Variants in DBF4B observed in about 807,000 individuals in gnomAD.
DBF4B encodes protein DBF4 homolog B.
DBF4B carries 49 observed loss-of-function variants against 53.4 expected under a neutral mutation model. The ratio of observed to expected loss-of-function variants is 0.92; its 90% CI spans 0.73 to 1.16. The LOEUF (loss-of-function observed/expected upper bound fraction) is 1.16, where lower values mean the gene tolerates loss of function less well. DBF4B is among the 50% of genes most tolerant of loss of function. The probability of loss-of-function intolerance (pLI) is 0.00; values close to 1 mark genes in which losing one functional copy is unlikely to be tolerated. For synonymous variants in DBF4B, 257 were observed against 288.7 expected (o/e 0.89, Z 1.11); for missense variants, 692 against 775.0 (o/e 0.89, Z 1.27).
chr17:44,750,979 A>T lies in DBF4B; in HGVS notation c.1574A>T (p.Asp525Val). The change falls in exon 14 of 14, where the codon GAC (aspartate) becomes GTC (valine). Residue 525 changes from aspartate to valine, a missense_variant. Coordinates refer to ENST00000315005, the MANE Select transcript of DBF4B (RefSeq NM_145663.3). The part of the protein sequence containing the change: ...FVTWGCLIPH[D>V]TTPLHEEVSP... ...ACATGGGGTTGCCTCATTCCCCATG[A>T]CACCACCCCTCTGCATGAGGAAGTT... The T allele has an allele frequency of 6.2e-7, 1 of 1,613,998 alleles. No homozygotes were observed. Among genetic ancestry groups the T allele is most frequent in the Non-Finnish European group, 8.5e-7 (1 of 1,179,992 alleles).
At chr17:44,709,393 G>C in intron 2 of DBF4B, 27 bp downstream of exon 2, 2 of 1,613,892 alleles carry the variant, frequency 1.2e-6, no homozygotes, top group South Asian at 2.2e-5. Flanking sequence ...AACTAGGGAC[G>C]TGAGGTGAAA....
chr17:44,742,817 C>G (rs56953907), intron 10 of DBF4B, among the ~76,000 whole-genome samples: 11 of 152,106 alleles, frequency 7.2e-5, no homozygotes, highest in Non-Finnish European at 2.9e-5. Context: ...AATTTGAACC[C>G]TCATTAACCA....
chr17:44,716,896 T>C (rs760181002), intron 2 of DBF4B, among the ~76,000 whole-genome samples: 5 of 152,214 alleles, frequency 3.3e-5, no homozygotes, highest in Non-Finnish European at 5.9e-5. Context: ...CCTTCTCTTA[T>C]CTCCTGTCTG....
intron 9 of DBF4B, among the ~76,000 whole-genome samples, chr17:44,739,518 A>G (rs1317182052): frequency 6.6e-6 from 1 of 152,178 alleles, no homozygotes; most frequent in Non-Finnish European, 1.5e-5. Context: ...AAGTGGAGAG[A>G]ACAATGGGAT....
intron 6 of DBF4B, chr17:44,732,588 C>T: frequency 4.0e-6 from 1 of 250,346 alleles, no homozygotes; most frequent in Non-Finnish European, 7.9e-6. Context: ...TGACCACTGG[C>T]CAGGCGAGGT....
At chr17:44,713,398 A>G (rs1253221143) in intron 2 of DBF4B, among the ~76,000 whole-genome samples, 1 of 150,820 alleles carries the variant, frequency 6.6e-6, no homozygotes, top group African/African-American at 2.4e-5. Context: ...CATACCTGTA[A>G]TCCCAGCACT....
At chr17:44,717,545 A>G (rs928875736) in intron 2 of DBF4B, among the ~76,000 whole-genome samples, 1 of 151,634 alleles carries the variant, frequency 6.6e-6, no homozygotes, top group Non-Finnish European at 1.5e-5. Context: ...TGTCTCTACT[A>G]AAAATACAAA....
chr17:44,746,612 A>T (rs2145143031), intron 10 of DBF4B, among the ~76,000 whole-genome samples: 1 of 152,244 alleles, frequency 6.6e-6, no homozygotes, highest in East Asian at 1.9e-4. Flanking sequence ...TGAGGTCAGG[A>T]GTTTGAGACC....
At position 44,751,771 on chromosome 17, in the gene DBF4B, T is replaced by C; in HGVS notation, c.*518T>C. 4.0e-6 allele frequency: 6 copies of C among 1,488,020 alleles called. No homozygotes were observed. The South Asian group carries it at 6.5e-5, about 16-fold the overall frequency. 92.2% of individuals were successfully genotyped at this position (1,488,020 alleles called of 1,614,324 possible). A position where few individuals can be genotyped will look rare whatever the true frequency, so the allele number is the denominator to read the frequency against. On this transcript the variant is annotated 3_prime_UTR_variant, in exon 14 of 14. Transcript: ENST00000315005. ...TGCCTGAAGCATTCCACTAAGATCA[T>C]CTATTCCAAGGTCATGGACAGGCTA...
At chr17:44,729,722 ACACACC>A (rs1019240110) in intron 3 of DBF4B, among the ~76,000 whole-genome samples, 177 bp from the exon 4 acceptor site, 25 of 144,310 alleles carry the variant, frequency 1.7e-4, no homozygotes, top group African/African-American at 5.8e-4. Context: ...ACACACACAC[ACACACC>A]CCATTAGATT....
intron 2 of DBF4B, among the ~76,000 whole-genome samples, chr17:44,709,830 G>T (rs1389227216): frequency 6.6e-6 from 1 of 151,254 alleles, no homozygotes; most frequent in East Asian, 1.9e-4. Context: ...ACCTAATTAG[G>T]TAAGTATTTT....
intron 2 of DBF4B, among the ~76,000 whole-genome samples, chr17:44,715,790 A>T (rs1973270197): frequency 9.9e-6 from 1 of 101,398 alleles, no homozygotes; most frequent in African/African-American, 3.6e-5. Context: ...TCTGTTTGTT[A>T]GCCTAATTTC....
chr17:44,750,985 C>T lies in DBF4B; in HGVS notation c.1580C>T (p.Thr527Ile), dbSNP rs775507500. ...TWGCLIPHDT[T>I]PLHEEVSPCP... Reference sequence around the variant, plus strand: ...GGTTGCCTCATTCCCCATGACACCACCCCTCTGCATGAGGAAGTTTCCCCT... The same window carrying T: ...GGTTGCCTCATTCCCCATGACACCATCCCTCTGCATGAGGAAGTTTCCCCT... The change falls in exon 14 of 14, where the codon ACC (threonine) becomes ATC (isoleucine). Residue 527 changes from threonine (T) to isoleucine (I), a missense_variant. Thr to Ile is a moderately conservative substitution (Grantham distance 89, BLOSUM62 -1). Transcript: ENST00000315005. 1.2e-6 allele frequency: 2 copies of T among 1,614,162 alleles called. No homozygotes were observed. Among genetic ancestry groups the T allele is most frequent in the East Asian group, 4.5e-5 (2 of 44,882 alleles).
intron 7 of DBF4B, among the ~76,000 whole-genome samples, chr17:44,734,545 C>T (rs1176274468): frequency 1.3e-5 from 2 of 152,218 alleles, no homozygotes; most frequent in Non-Finnish European, 2.9e-5. Context: ...CTGCATACTG[C>T]AGGGGTGAGA....
chr17:44,712,934 C>A (rs991285876), intron 2 of DBF4B, among the ~76,000 whole-genome samples: 1 of 151,878 alleles, frequency 6.6e-6, no homozygotes, highest in African/African-American at 2.4e-5. Flanking sequence ...TTCTGTCCTA[C>A]CACTTCTCTG....
chr17:44,750,857 C>A lies in DBF4B; in HGVS notation c.1452C>A (p.Ala484=). The part of the protein sequence containing the change: ...PLHPSQENSF[A]PADIPVKGPL... ...ATCCCTCCCAAGAAAACTCCTTTGC[C>A]CCGGCGGACATTCCTGTTAAGGGCC... The change falls in exon 14 of 14, where the codon GCC becomes GCA. Residue 484 remains alanine, a synonymous_variant. Coordinates refer to ENST00000315005, the MANE Select transcript of DBF4B (RefSeq NM_145663.3). The A allele has an allele frequency of 6.2e-7, 1 of 1,614,172 alleles. No homozygotes were observed.
chr17:44,726,146 T>C (rs1448198292), intron 3 of DBF4B, among the ~76,000 whole-genome samples: 1 of 151,674 alleles, frequency 6.6e-6, no homozygotes, highest in Non-Finnish European at 1.5e-5. Context: ...TGCACCTCCA[T>C]GCCTGGCTAA....
intron 2 of DBF4B, 103 bp downstream of exon 2, chr17:44,709,469 G>C (rs939742647): frequency 8.3e-7 from 1 of 1,205,580 alleles, no homozygotes; most frequent in South Asian, 1.2e-5. Context: ...CGATCACTCA[G>C]TGTTTTTATG....
chr17:44,724,299 A>C (rs1023319178), intron 3 of DBF4B, among the ~76,000 whole-genome samples: 4 of 152,142 alleles, frequency 2.6e-5, no homozygotes, highest in Non-Finnish European at 5.9e-5. Context: ...CAGTAGGCTG[A>C]GGCATGAGAC....
Sources: allele counts gnomAD v4.1 joint callset (sites outside exome capture counted in the v4.1 genomes callset), GRCh38; gene constraint gnomAD v4.1.1; transcripts MANE v1.5; gene names NCBI Gene and HGNC (gene_info 2026-07-23, HGNC 2026-07-21).